Variants in AP3S2 observed in about 807,000 individuals in gnomAD.
AP3S2 encodes the protein adaptor related protein complex 3 subunit sigma 2, also known as AP-3 complex subunit sigma-2.
Under a neutral mutation model 23.4 loss-of-function variants are expected in AP3S2, and 22 were observed. The observed-to-expected ratio is 0.94, with a 90% CI of 0.67 to 1.34. The LOEUF is 1.34. AP3S2 is among the 40% of genes most tolerant of loss of function. AP3S2 has a pLI of 0.00. For missense variants in AP3S2, 241 were observed against 236.9 expected, an observed-to-expected ratio of 1.02 and a Z score of -0.11; for synonymous variants, 86 against 87.1, an observed-to-expected ratio of 0.99 and a Z score of 0.07.
At chr15:89,849,003 G>A (rs1055293558) in intron 4 of AP3S2, 2 of 152,118 alleles carry the variant, frequency 1.3e-5, no homozygotes, top group Non-Finnish European at 1.5e-5. Flanking sequence ...GGTGTTTTAA[G>A]ACAAGCAAAG....
chr15:89,890,061 G>A (rs1013843526), intron 1 of AP3S2, among the ~76,000 whole-genome samples: 7 of 151,994 alleles, frequency 4.6e-5, no homozygotes, highest in Non-Finnish European at 1.0e-4. Context: ...CAAATAAAAT[G>A]TATTATTATT....
intron 4 of AP3S2, among the ~76,000 whole-genome samples, chr15:89,857,937 G>C (rs1043042853): frequency 1.3e-5 from 2 of 152,160 alleles, no homozygotes; most frequent in African/African-American, 4.8e-5. Flanking sequence ...CACATGCCCA[G>C]GTAGAAGCAT....
rs1481720920 is a variant in AP3S2, at chr15:89,859,014, TTTC to T, written c.345+12458_345+12460del. 6.0e-5 allele frequency among the ~76,000 whole-genome samples: 9 copies of T among 151,096 alleles called. No individual in the cohort carries two copies. In the Admixed American group the frequency reaches 6.0e-4, roughly 10 times the overall value. On this transcript the variant is annotated intron_variant, in intron 4 of 5. Transcript: ENST00000336418. The stretch of plus-strand genomic sequence containing the variant: ...CTGGAACAATCCTTGCTTTTGTTTT[TTTC>T]TTTTTTTTTTTCTTTTTTACTTAAA...
chr15:89,893,144 G>A (rs1567191055), intron 1 of AP3S2: 1 of 152,266 alleles, frequency 6.6e-6, no homozygotes, highest in African/African-American at 2.4e-5. Context: ...GCTGAAGCCT[G>A]AACACGTTTT....
At chr15:89,838,631 CTTT>C (rs1895251130) in intron 4 of AP3S2, among the ~76,000 whole-genome samples, 1 of 152,190 alleles carries the variant, frequency 6.6e-6, no homozygotes, top group Non-Finnish European at 1.5e-5. Flanking sequence ...CCTCAAGGTG[CTTT>C]CGGTCAAGTT....
intron 4 of AP3S2, among the ~76,000 whole-genome samples, chr15:89,868,096 C>A (rs1896192888): frequency 8.3e-6 from 1 of 120,180 alleles, no homozygotes; most frequent in African/African-American, 3.1e-5. Context: ...TGGCCAGCCA[C>A]CCCGTCCGGG....
intron 4 of AP3S2, among the ~76,000 whole-genome samples, chr15:89,853,290 A>C (rs1895705802): frequency 6.6e-6 from 1 of 152,218 alleles, no homozygotes; most frequent in Non-Finnish European, 1.5e-5. Context: ...ATAAAGACAA[A>C]TTCACCATTT....
chr15:89,843,559 C>T (rs886243668), intron 4 of AP3S2, among the ~76,000 whole-genome samples: 4 of 151,960 alleles, frequency 2.6e-5, no homozygotes, highest in Admixed American at 6.6e-5. Flanking sequence ...TGCTTGAACC[C>T]GGGAGGTGGA....
chr15:89,892,933 G>C (rs1896853376), intron 1 of AP3S2: 1 of 152,164 alleles, frequency 6.6e-6, no homozygotes, highest in Non-Finnish European at 1.5e-5. Flanking sequence ...CAAAGTGCTG[G>C]GATTACAGGC....
chr15:89,876,273 G>A (rs1333338541), intron 3 of AP3S2, among the ~76,000 whole-genome samples: 1 of 152,130 alleles, frequency 6.6e-6, no homozygotes, highest in Non-Finnish European at 1.5e-5. Flanking sequence ...GCAAAAATTA[G>A]CCAGGCGTGG....
chr15:89,889,014 G>C, intron 2 of AP3S2, 35 bp downstream of exon 2: 1 of 1,612,810 alleles, frequency 6.2e-7, no homozygotes. Flanking sequence ...CTCACAAGTG[G>C]ATATATGGGG....
At chr15:89,857,101 T>C (rs1046523518) in intron 4 of AP3S2, among the ~76,000 whole-genome samples, 2 of 152,082 alleles carry the variant, frequency 1.3e-5, no homozygotes, top group African/African-American at 2.4e-5. Context: ...AGAACTACAA[T>C]ACCGAAGTTT....
intron 5 of AP3S2, 27 bp from the exon 6 acceptor site, chr15:89,835,670 A>T (rs1324265004): frequency 6.6e-7 from 1 of 1,507,232 alleles, no homozygotes; most frequent in African/African-American, 1.4e-5. Flanking sequence ...GGCGAGTATG[A>T]GACAAATTCT....
intron 1 of AP3S2, 28 bp downstream of exon 1, chr15:89,893,853 G>A (rs1178030379): frequency 9.7e-6 from 15 of 1,551,230 alleles, no homozygotes; most frequent in Non-Finnish European, 1.3e-5. Context: ...CGCCCTGAAG[G>A]GGCGTGGTGA....
intron 4 of AP3S2, among the ~76,000 whole-genome samples, chr15:89,839,027 A>T (rs1480353475): frequency 6.6e-6 from 1 of 152,114 alleles, no homozygotes; most frequent in Non-Finnish European, 1.5e-5. Flanking sequence ...CTGTCCTGTC[A>T]CTGTGGCCTG....
At chr15:89,860,010 C>T (rs751889223) in intron 4 of AP3S2, among the ~76,000 whole-genome samples, 21 of 152,024 alleles carry the variant, frequency 1.4e-4, no homozygotes, top group Admixed American at 2.6e-4. Context: ...GTGATCTGTC[C>T]GCCTTGGCCC....
chr15:89,891,825 G>A (rs1482942232), intron 1 of AP3S2, among the ~76,000 whole-genome samples: 1 of 152,160 alleles, frequency 6.6e-6, no homozygotes, highest in African/African-American at 2.4e-5. Flanking sequence ...TTGTCAAATA[G>A]TTTGCAGTTT....
At chr15:89,844,267 C>CTT (rs1288001640) in intron 4 of AP3S2, among the ~76,000 whole-genome samples, 2 of 13,896 alleles carry the variant, frequency 1.4e-4, no homozygotes, top group Non-Finnish European at 3.1e-4. Context: ...TTCTTTCTTT[C>CTT]TTTCTCTCTC....
chr15:89,860,677 A>G (rs1895991783), intron 4 of AP3S2, among the ~76,000 whole-genome samples: 1 of 152,154 alleles, frequency 6.6e-6, no homozygotes, highest in Admixed American at 6.5e-5. Flanking sequence ...CTGCCCTACA[A>G]CTGGCCTTTC....
Sources: allele counts gnomAD v4.1 joint callset (sites outside exome capture counted in the v4.1 genomes callset), GRCh38; gene constraint gnomAD v4.1.1; transcripts MANE v1.5; gene names NCBI Gene and HGNC (gene_info 2026-07-23, HGNC 2026-07-21).